The following ZFYVE16 variants were observed in gnomAD, a reference collection of about 807,000 sequenced individuals.
The protein encoded by ZFYVE16 is zinc finger FYVE-type containing 16, also known as zinc finger FYVE domain-containing protein 16.
A neutral mutation model predicts 138.1 loss-of-function variants in ZFYVE16; 89 were observed. That is an observed-to-expected ratio of 0.64 (90% CI 0.54 to 0.77). The LOEUF (loss-of-function observed/expected upper bound fraction) is 0.77. Among genes scored for constraint, ZFYVE16 ranks in the 30% least tolerant of loss-of-function variants. ZFYVE16 has a pLI of 0.00. For missense variants in ZFYVE16, 1,793 were observed against 1,786.7 expected, an observed-to-expected ratio of 1.00 and a Z score of -0.06; for synonymous variants, 596 against 618.3, an observed-to-expected ratio of 0.96 and a Z score of 0.53.
In ZFYVE16 at chr5:80,479,511, G is replaced by A. The variant is rs569310567; in HGVS notation, c.*2134G>A. ...GGATTCCATGCCACAAGTAGTATGC[G>A]CTTAAGTGCAGAGCATGCCAAGAGA... is the stretch of plus-strand genomic sequence containing the variant. On this transcript the variant is annotated 3_prime_UTR_variant, in exon 19 of 19. Transcript: ENST00000505560. Among the ~76,000 whole-genome samples the A allele has an allele frequency of 1.3e-5, 2 of 152,160 alleles. No homozygotes were observed. The highest frequency in any genetic ancestry group is 2.4e-5 in the African/African-American group (1 of 41,458).
At chr5:80,423,830 G>A (rs1289180428) in intron 1 of ZFYVE16, among the ~76,000 whole-genome samples, 3 of 152,192 alleles carry the variant, frequency 2.0e-5, no homozygotes, top group South Asian at 2.1e-4. Context: ...GAGCCACTGC[G>A]CCTGGCCGAT....
At chr5:80,463,557 C>T (rs979712749) in intron 15 of ZFYVE16, among the ~76,000 whole-genome samples, 5 of 152,158 alleles carry the variant, frequency 3.3e-5, no homozygotes, top group Non-Finnish European at 7.3e-5. Flanking sequence ...AGACATTTTC[C>T]CCATTGTCTT....
At position 80,438,119 on chromosome 5, in the gene ZFYVE16, A is replaced by G. The variant is rs759225627; in HGVS notation, c.1434A>G (p.Val478=). ...LDGGDTSSTV[V]ESQEGLSGTH... Reference sequence around the variant, plus strand: ...GTGGTGACACCAGTTCTACAGTTGTAGAATCTCAAGAGGGGCTTTCTGGCA... The same window carrying G: ...GTGGTGACACCAGTTCTACAGTTGTGGAATCTCAAGAGGGGCTTTCTGGCA... Residue 478 remains valine, a synonymous_variant, in exon 4 of 19, where the codon GTA becomes GTG. Coordinates refer to ENST00000505560, the MANE Select transcript of ZFYVE16 (RefSeq NM_001284236.3). 2 of 1,614,096 alleles carry G rather than the reference A, an allele frequency of 1.2e-6. No individual in the cohort carries two copies. Among genetic ancestry groups the G allele is most frequent in the South Asian group, 1.1e-5 (1 of 91,084 alleles).
At chr5:80,451,921 T>G (rs895649029) in intron 11 of ZFYVE16, 2 of 492,618 alleles carry the variant, frequency 4.1e-6, no homozygotes, top group African/African-American at 4.0e-5. Flanking sequence ...ATAAGTTCTT[T>G]TATTACCTAA....
chr5:80,420,281 TTTTATTATTA>T (rs772727420), intron 1 of ZFYVE16, among the ~76,000 whole-genome samples: 3 of 151,764 alleles, frequency 2.0e-5, no homozygotes, highest in Non-Finnish European at 4.4e-5. Context: ...TAATTTTTAT[TTTTATTATTA>T]TTTATTATTA....
At chr5:80,440,704 G>A (rs1019707667) in intron 5 of ZFYVE16, 2 of 957,000 alleles carry the variant, frequency 2.1e-6, no homozygotes, top group Non-Finnish European at 2.5e-6. Context: ...GTGTGTGTGT[G>A]GTGTTTTTTT....
chr5:80,407,697 G>A (rs1003420496), upstream of ZFYVE16, among the ~76,000 whole-genome samples: 13 of 152,248 alleles, frequency 8.5e-5, no homozygotes, highest in African/African-American at 3.1e-4. Flanking sequence ...GGAACGCCGC[G>A]CAGGCTCAGC....
intron 17 of ZFYVE16, 68 bp from the exon 18 acceptor site, chr5:80,474,595 A>G: frequency 6.9e-7 from 1 of 1,444,278 alleles, no homozygotes; most frequent in South Asian, 1.3e-5. Context: ...TTAAACTTGA[A>G]AGCAGCAATT....
Position 80,428,039 on chromosome 5 carries a change from C to T in ZFYVE16, c.-40+494C>T, listed in dbSNP as rs555794403. On this transcript the variant is annotated intron_variant, in intron 2 of 18. Transcript: ENST00000505560. ...GCCGAATAGGAACAGCTCCAGTCTA[C>T]AGCTCCCAGCGTGAGCGACACAGAA... is the stretch of plus-strand genomic sequence containing the variant. Among the ~76,000 whole-genome samples, 3 of 144,072 alleles carry T rather than the reference C, an allele frequency of 2.1e-5. No homozygotes were observed. The East Asian group carries it at 6.6e-4, about 32-fold the overall frequency. 94.5% of individuals were successfully genotyped at this position (144,072 alleles called of 152,430 possible).
intron 17 of ZFYVE16, 92 bp downstream of exon 17, chr5:80,473,951 G>T: frequency 1.1e-6 from 1 of 884,406 alleles, no homozygotes; most frequent in South Asian, 1.6e-5. Context: ...AAATATTTAT[G>T]CATAGCTTAT....
intron 1 of ZFYVE16, among the ~76,000 whole-genome samples, chr5:80,410,790 G>C (rs1055554659): frequency 7.9e-5 from 12 of 151,062 alleles, no homozygotes; most frequent in Admixed American, 2.0e-4. Flanking sequence ...GGATGGTCTC[G>C]ATCTCCTGAC....
chr5:80,423,312 G>T (rs949501582), intron 1 of ZFYVE16, among the ~76,000 whole-genome samples: 1 of 152,078 alleles, frequency 6.6e-6, no homozygotes, highest in African/African-American at 2.4e-5. Context: ...TGTGGGCAGA[G>T]TTGTTAATAA....
chr5:80,441,222 A>G lies in ZFYVE16; in HGVS notation c.2419+1190A>G, dbSNP rs1023323530. The G allele has an allele frequency of 2.6e-5, 26 of 985,448 alleles. No individual in the cohort carries two copies. In the South Asian group the frequency reaches 1.1e-3, roughly 41 times the overall value. The allele number at this position is 985,448 out of a possible 1,614,324, so 61.0% of individuals were successfully genotyped here. Reference sequence around the variant, plus strand: ...TTAAAAAGAAATTAAACATCCATGAAGATTTGAAACGTTATTTATGTTGAC... The same window carrying G: ...TTAAAAAGAAATTAAACATCCATGAGGATTTGAAACGTTATTTATGTTGAC... On this transcript the variant is annotated intron_variant, in intron 5 of 18. Transcript: ENST00000505560.
At chr5:80,449,998 C>G (rs573305902) in intron 9 of ZFYVE16, among the ~76,000 whole-genome samples, 2 of 152,174 alleles carry the variant, frequency 1.3e-5, no homozygotes, top group South Asian at 4.1e-4. Flanking sequence ...GACTATATTT[C>G]CTGTGGCTTT....
At position 80,434,155 on chromosome 5, in the gene ZFYVE16, G is replaced by A. The variant is rs771140703; in HGVS notation, c.8G>A (p.Ser3Asn). 12 of 1,613,228 alleles carry A rather than the reference G, an allele frequency of 7.4e-6. No homozygotes were observed. Among genetic ancestry groups the A allele is most frequent in the Non-Finnish European group, 5.1e-6 (6 of 1,179,468 alleles). ...AATAAGTCTGCAGGTAGGATGGACA[G>A]TTATTTTAAAGCAGCTGTCAGTGAC... Reference protein sequence around the residue: MDSYFKAAVSDLD... With the variant: MDNYFKAAVSDLD... The change falls in exon 3 of 19, where the codon AGT becomes AAT. Residue 3 changes from serine to asparagine, a missense_variant. Ser to Asn is a conservative substitution (Grantham distance 46). This residue lies in a region of ZFYVE16 where 1,295 missense variants were observed against 1,204.3 expected (regional missense o/e 1.08). Coordinates refer to ENST00000505560, the MANE Select transcript of ZFYVE16 (RefSeq NM_001284236.3).
upstream of ZFYVE16, among the ~76,000 whole-genome samples, chr5:80,407,851 C>T (rs947759256): frequency 6.6e-6 from 1 of 152,234 alleles, no homozygotes; most frequent in Non-Finnish European, 1.5e-5. Context: ...CAGGCGTCCC[C>T]GTCACCCAAC....
At chr5:80,457,583 T>G (rs566558667) in intron 14 of ZFYVE16, among the ~76,000 whole-genome samples, 1 of 152,314 alleles carries the variant, frequency 6.6e-6, no homozygotes, top group South Asian at 2.1e-4. Flanking sequence ...AAATTGAAAG[T>G]TAAATGGAAG....
chr5:80,460,784 A>T (rs1440939811), intron 15 of ZFYVE16, among the ~76,000 whole-genome samples: 1 of 152,184 alleles, frequency 6.6e-6, no homozygotes, highest in Non-Finnish European at 1.5e-5. Context: ...CTCTGTACCG[A>T]TTCCATACTA....
At position 80,438,457 on chromosome 5, in the gene ZFYVE16, G is replaced by GAAT; in HGVS notation, c.1772_1773insAAT (p.Ile592dup). 2 of 1,613,716 alleles carry GAAT rather than the reference G, an allele frequency of 1.2e-6. No homozygotes were observed. Among genetic ancestry groups the GAAT allele is most frequent in the Non-Finnish European group, 1.7e-6 (2 of 1,179,844 alleles). ...GCAGGAGCTATTGGGGAAAGTCATGGTATTAATATAATTTGTGAAATAGTT... is the reference window on the plus strand; with the variant it reads ...GCAGGAGCTATTGGGGAAAGTCATGGAATTATTAATATAATTTGTGAAATAGTT... On this transcript the variant is annotated inframe_insertion, in exon 4 of 19. Coordinates refer to ENST00000505560, the MANE Select transcript of ZFYVE16 (RefSeq NM_001284236.3).
Sources: gnomAD v4.1 joint callset for allele counts (sites outside exome capture counted in the v4.1 genomes callset) on GRCh38, gnomAD v4.1.1 for gene constraint, gnomAD v4.1.1 regional missense constraint, MANE v1.5 for transcripts, NCBI Gene and HGNC (gene_info 2026-07-23, HGNC 2026-07-21) for gene names.